VCP: variants seen among roughly 807,000 people sequenced by gnomAD.
VCP encodes the protein transitional endoplasmic reticulum ATPase.
A neutral mutation model predicts 85.7 loss-of-function variants in VCP; 6 were observed. The observed-to-expected ratio is 0.07, with a 90% CI of 0.04 to 0.14. The LOEUF is 0.14. Among genes scored for constraint, VCP ranks in the 10% least tolerant of loss-of-function variants. The pLI is 1.00. For synonymous variants in VCP, 384 were observed against 367.1 expected, an observed-to-expected ratio of 1.05 and a Z score of -0.53; for missense variants, 353 against 1,043.4, an observed-to-expected ratio of 0.34 and a Z score of 9.12.
chr9:35,068,450 A>G (rs912616104), intron 1 of VCP, 88 bp from the exon 2 acceptor site: 1 of 1,191,704 alleles, frequency 8.4e-7, no homozygotes, highest in African/African-American at 1.5e-5. Flanking sequence ...GAAACAGTGA[A>G]TAGATGAAGC....
intron 4 of VCP, among the ~76,000 whole-genome samples, chr9:35,065,957 C>T (rs1264482967): frequency 1.2e-4 from 19 of 152,102 alleles, no homozygotes; most frequent in African/African-American, 4.6e-4. Context: ...GAAACCCCGT[C>T]TCTACTAAAA....
intron 4 of VCP, among the ~76,000 whole-genome samples, chr9:35,065,951 C>G (rs1030046406): frequency 6.6e-6 from 1 of 152,048 alleles, no homozygotes; most frequent in Non-Finnish European, 1.5e-5. Flanking sequence ...CATGGTGAAA[C>G]CCCGTCTCTA....
intron 2 of VCP, 27 bp from the exon 3 acceptor site, chr9:35,068,090 G>A (rs1215720988): frequency 2.5e-6 from 4 of 1,614,042 alleles, no homozygotes; most frequent in Non-Finnish European, 3.4e-6. Flanking sequence ...AAGGCCTTTG[G>A]GTCATTGGGC....
chr9:35,057,946 G>A, intron 15 of VCP: 1 of 302,094 alleles, frequency 3.3e-6, no homozygotes, highest in Non-Finnish European at 6.4e-6. Flanking sequence ...TACTTTAAAA[G>A]GAAATGCCAA....
intron 1 of VCP, 121 bp from the exon 2 acceptor site, chr9:35,068,483 G>A (rs1334949534): frequency 3.2e-6 from 3 of 948,210 alleles, no homozygotes; most frequent in Non-Finnish European, 5.1e-6. Context: ...AGAAAGCTCA[G>A]ATGAAGGAAA....
chr9:35,061,056 C>T lies in VCP; in HGVS notation c.1318G>A (p.Glu440Lys), dbSNP rs955652521. 3 of 1,614,136 alleles carry T rather than the reference C, an allele frequency of 1.9e-6. No homozygotes were observed. Among genetic ancestry groups the T allele is most frequent in the Middle Eastern group, 1.7e-4 (1 of 6,058 alleles). ...IDLEDETIDA[E>K]VMNSLAVTMD... is the part of the protein sequence containing the mutation. Reference sequence around the variant, plus strand: ...GTAACTGCTAGAGAGTTCATGACCTCGGCATCAATGGTCTCATCCTCTAGG... The same window carrying T: ...GTAACTGCTAGAGAGTTCATGACCTTGGCATCAATGGTCTCATCCTCTAGG... The change falls in exon 11 of 17, where the codon GAG becomes AAG. Residue 440 changes from glutamate (E) to lysine (K), a missense_variant. Coordinates refer to ENST00000358901, the MANE Select transcript of VCP (RefSeq NM_007126.5).
At position 35,061,179 on chromosome 9, in the gene VCP, C is replaced by G; in HGVS notation, c.1195G>C (p.Val399Leu). Residue 399 changes from valine (V) to leucine (L), a missense_variant and splice_region_variant, in exon 11 of 17, where the codon GTA becomes CTA. By Grantham distance (32) the Val-to-Leu change is conservative. Around this residue, in one of 8 missense-constraint regions of VCP, gnomAD observed 30 missense variants for 39.0 expected, o/e 0.77. Transcript: ENST00000358901. Reference sequence around the variant, plus strand: ...ACATGCCCGTGAGTCTCATTGGCTACCTGCAGAGAAAGATCTACTTACTAT... The same window carrying G: ...ACATGCCCGTGAGTCTCATTGGCTAGCTGCAGAGAAAGATCTACTTACTAT... ...KLADDVDLEQ[V>L]ANETHGHVGA... The G allele has an allele frequency of 6.2e-7, 1 of 1,613,082 alleles. No homozygotes were observed. The highest frequency in any genetic ancestry group is 8.5e-7 in the Non-Finnish European group (1 of 1,180,034).
chr9:35,066,877 T>C, intron 3 of VCP, 60 bp from the exon 4 acceptor site: 1 of 1,612,570 alleles, frequency 6.2e-7, no homozygotes, highest in Admixed American at 1.7e-5. Context: ...GCACTGGGTG[T>C]CCAAAAGGGC....
rs1358252696 is a variant in VCP, at chr9:35,061,819, C to A, written c.1082-130G>T. ...GCCAGCACTAAAAAAGTCTCAAGCT[C>A]TGGGAAACCTTTCAGTCTCAGGAAA... On this transcript the variant is annotated intron_variant, in intron 9 of 16. Coordinates refer to ENST00000358901, the MANE Select transcript of VCP (RefSeq NM_007126.5). 3 of 1,418,492 alleles carry A rather than the reference C, an allele frequency of 2.1e-6. No homozygotes were observed. In the African/African-American group the frequency reaches 4.2e-5, roughly 20 times the overall value. 87.9% of individuals were successfully genotyped at this position (1,418,492 alleles called of 1,614,324 possible).
intron 7 of VCP, 54 bp downstream of exon 7, chr9:35,062,924 A>C (rs1828754384): frequency 6.4e-7 from 1 of 1,569,442 alleles, no homozygotes; most frequent in African/African-American, 1.4e-5. Context: ...TCCAGCTCAT[A>C]AGCCCAGTTC....
At chr9:35,067,054 C>T (rs1264383316) in intron 3 of VCP, among the ~76,000 whole-genome samples, 1 of 152,200 alleles carries the variant, frequency 6.6e-6, no homozygotes, top group Non-Finnish European at 1.5e-5. Context: ...CAAAGACATG[C>T]AGGGTCTTCA....
intron 6 of VCP, among the ~76,000 whole-genome samples, chr9:35,063,356 T>C (rs1828764170): frequency 6.6e-6 from 1 of 152,168 alleles, no homozygotes; most frequent in Non-Finnish European, 1.5e-5. Context: ...CGTTTGAAGA[T>C]ACATGACTAG....
In VCP at chr9:35,071,678, A is replaced by C. The variant is rs1828948255; in HGVS notation, c.17+659T>G. 3.1e-6 allele frequency: 3 copies of C among 982,070 alleles called. No homozygotes were observed. In the African/African-American group the frequency reaches 5.2e-5, roughly 17 times the overall value. The allele number at this position is 982,070 out of a possible 1,614,324, so 60.8% of individuals were successfully genotyped here. Reference sequence around the variant, plus strand: ...GTATGAACAACAGGCCTAAAGTAAGAAGACCAGAAGCGAAAGGTAGGGCTC... The same window carrying C: ...GTATGAACAACAGGCCTAAAGTAAGCAGACCAGAAGCGAAAGGTAGGGCTC... On this transcript the variant is annotated intron_variant, in intron 1 of 16. Transcript: ENST00000358901.
At chr9:35,072,163 G>A in intron 1 of VCP, 174 bp downstream of exon 1, 1 of 1,408,900 alleles carries the variant, frequency 7.1e-7, no homozygotes, top group Non-Finnish European at 9.2e-7. Flanking sequence ...TGCGCAGCTG[G>A]CCCCAGCCGG....
In VCP at chr9:35,059,993, G is replaced by A. The variant is rs995132271; in HGVS notation, c.1696-192C>T. On this transcript the variant is annotated intron_variant, in intron 13 of 16. Coordinates refer to ENST00000358901, the MANE Select transcript of VCP (RefSeq NM_007126.5). This position sits in a 1 kb window ranked among gnomAD's most constrained non-coding sequence, Gnocchi z 4.9. ...ACAAAAAATAAAAAATTAGCCAGAT[G>A]TGGTGACGCATGCCTATAGTCCCAG... 1.4e-5 allele frequency: 10 copies of A among 731,908 alleles called. No homozygotes were observed. The Admixed American group carries it at 2.2e-4, about 16-fold the overall frequency. The allele number at this position is 731,908 out of a possible 1,614,324, so 45.3% of individuals were successfully genotyped here.
rs1828981289 is a variant in VCP at position 35,072,524 on chromosome 9, G to C, written c.-171C>G. On this transcript the variant is annotated 5_prime_UTR_variant, in exon 1 of 17. Transcript: ENST00000358901. The stretch of plus-strand genomic sequence containing the variant: ...TTCCTCCCACCGGCAGCGAGGCGTC[G>C]GGCGAACAACGCTGGCTCCTGATCC... The C allele has an allele frequency of 4.8e-6, 4 of 829,706 alleles. No individual in the cohort carries two copies. The highest frequency in any genetic ancestry group is 6.8e-6 in the Non-Finnish European group (4 of 589,072). The allele number at this position is 829,706 out of a possible 1,614,324, so 51.4% of individuals were successfully genotyped here. A position where few individuals can be genotyped will look rare whatever the true frequency, so the allele number is the denominator to read the frequency against.
intron 7 of VCP, among the ~76,000 whole-genome samples, chr9:35,062,757 T>C (rs1828750973): frequency 6.6e-6 from 1 of 152,206 alleles, no homozygotes; most frequent in African/African-American, 2.4e-5. Context: ...CGCTCTGCAG[T>C]CTGTCCACAA....
intron 2 of VCP, 44 bp from the exon 3 acceptor site, chr9:35,068,107 G>A (rs754786759): frequency 7.4e-6 from 12 of 1,613,254 alleles, no homozygotes; most frequent in Middle Eastern, 1.6e-4. Context: ...GGGCTGACGG[G>A]GAGTAAGCAG....
intron 1 of VCP, chr9:35,071,684 A>C (rs1190027299): frequency 1.0e-6 from 1 of 983,392 alleles, no homozygotes; most frequent in Non-Finnish European, 1.2e-6. Flanking sequence ...TAAGAAGACC[A>C]GAAGCGAAAG....
Sources: gnomAD v4.1 joint callset for allele counts (sites outside exome capture counted in the v4.1 genomes callset) on GRCh38, gnomAD v4.1.1 for gene constraint, gnomAD v4.1.1 regional missense constraint, Gnocchi (gnomAD v3.1) non-coding constraint, MANE v1.5 for transcripts, NCBI Gene and HGNC (gene_info 2026-07-23, HGNC 2026-07-21) for gene names.